The following TRPM1 variants were observed in gnomAD, a reference collection of about 807,000 sequenced individuals.
TRPM1 encodes the protein transient receptor potential cation channel subfamily M member 1.
A neutral mutation model predicts 149.4 loss-of-function variants in TRPM1; 113 were observed. The ratio of observed to expected loss-of-function variants is 0.76; its 90% CI spans 0.65 to 0.88. TRPM1 has a LOEUF of 0.88. Among genes scored for constraint, TRPM1 ranks in the 40% least tolerant of loss-of-function variants. The pLI is 0.00. For synonymous variants in TRPM1, 741 were observed against 759.5 expected, an observed-to-expected ratio of 0.98 and a Z score of 0.40; for missense variants, 1,976 against 2,038.7, an observed-to-expected ratio of 0.97 and a Z score of 0.59.
At chr15:31,036,455 C>T (rs1300103288) in intron 20 of TRPM1, among the ~76,000 whole-genome samples, 4 of 151,080 alleles carry the variant, frequency 2.6e-5, no homozygotes, top group African/African-American at 9.7e-5. Flanking sequence ...TTTTCAAGAT[C>T]CTGCCTCCCA....
At chr15:31,113,006 C>A (rs75062601) in intron 1 of TRPM1, among the ~76,000 whole-genome samples, 2,606 of 152,258 alleles carry the variant, frequency 0.017, 83 homozygotes, top group African/African-American at 0.06. Context: ...TCTGAGGTGC[C>A]GGTAAGTGTT....
rs776077094 is a variant in TRPM1, at chr15:31,066,257, T to C, written c.619-10A>G. 1.9e-6 allele frequency: 3 copies of C among 1,614,010 alleles called. No homozygotes were observed. In the East Asian group the frequency reaches 6.7e-5, roughly 36 times the overall value. On this transcript the variant is annotated splice_polypyrimidine_tract_variant and intron_variant, in intron 6 of 27. Coordinates refer to ENST00000256552, the MANE Select transcript of TRPM1 (RefSeq NM_001252024.2). ...GGTACACTCTTGTTACCTGACAAAG[T>C]GCACAGCGCAAATCAGACCTGCAGG...
intron 1 of TRPM1, among the ~76,000 whole-genome samples, chr15:31,112,850 C>T (rs2035710745): frequency 6.6e-6 from 1 of 152,186 alleles, no homozygotes; most frequent in South Asian, 2.1e-4. Context: ...CACAAAGAAC[C>T]CCCTTTTCTT....
chr15:31,032,813 T>G lies in TRPM1; in HGVS notation c.2828A>C (p.Gln943Pro), dbSNP rs749721389. The G allele has an allele frequency of 3.1e-6, 5 of 1,614,092 alleles. No homozygotes were observed. Among genetic ancestry groups the G allele is most frequent in the Admixed American group, 1.7e-5 (1 of 59,998 alleles). The change falls in exon 22 of 28, where the codon CAG (glutamine) becomes CCG (proline). Residue 943 changes from glutamine (Q) to proline (P), a missense_variant. Transcript: ENST00000256552. Reference protein sequence around the residue: ...MIGAILRLQNQPYMGYGRVIY... With the variant: ...MIGAILRLQNPPYMGYGRVIY... ...CACCCGGCCATAGCCCATGTAGGGC[T>G]GGTTCTGTAGGCGAAGAATTGCTCC... is the stretch of plus-strand genomic sequence containing the variant.
intron 1 of TRPM1, among the ~76,000 whole-genome samples, chr15:31,088,201 C>G (rs1278031225): frequency 2.0e-5 from 3 of 152,120 alleles, no homozygotes. Flanking sequence ...TAAAAACGGA[C>G]CAATCAGCAC....
At chr15:31,143,029 T>G (rs2141053827) in intron 1 of TRPM1, among the ~76,000 whole-genome samples, 1 of 152,352 alleles carries the variant, frequency 6.6e-6, no homozygotes, top group East Asian at 1.9e-4. Flanking sequence ...CTCAAAGGCT[T>G]TTAACCATTG....
chr15:31,015,069 G>A (rs981046784), intron 27 of TRPM1, among the ~76,000 whole-genome samples: 4 of 152,114 alleles, frequency 2.6e-5, no homozygotes, highest in African/African-American at 9.7e-5. Context: ...GAGATTATAA[G>A]CAGATGAGAT....
At chr15:31,066,028 T>G (rs1038145193) in intron 7 of TRPM1, 48 bp downstream of exon 7, 1 of 1,595,088 alleles carries the variant, frequency 6.3e-7, no homozygotes, top group Admixed American at 1.7e-5. Context: ...TTGTTTCCAC[T>G]GTGATGGCAT....
chr15:31,138,822 T>G (rs564922510), intron 1 of TRPM1, among the ~76,000 whole-genome samples: 27 of 152,318 alleles, frequency 1.8e-4, no homozygotes, highest in Admixed American at 6.5e-4. Flanking sequence ...TAAAAGAAAT[T>G]TATATCTATG....
chr15:31,032,593 C>A (rs2033140312), intron 22 of TRPM1, 96 bp downstream of exon 22: 5 of 1,487,318 alleles, frequency 3.4e-6, no homozygotes, highest in Non-Finnish European at 4.7e-6. Context: ...AAAAGAAAAA[C>A]CAAATGAAAT....
chr15:31,003,464 GT>G (rs2031869922), intron 27 of TRPM1, among the ~76,000 whole-genome samples: 1 of 152,124 alleles, frequency 6.6e-6, no homozygotes. Flanking sequence ...TTCCCCAAAG[GT>G]AGGAAGCAGT....
chr15:31,119,272 A>AAAT (rs2035844576), intron 1 of TRPM1, among the ~76,000 whole-genome samples: 1 of 148,282 alleles, frequency 6.7e-6, no homozygotes, highest in Admixed American at 6.7e-5. Context: ...ATAAATAAAT[A>AAAT]AACTTATCTA....
chr15:31,017,047 G>C (rs1442886073), intron 27 of TRPM1, among the ~76,000 whole-genome samples: 1 of 152,028 alleles, frequency 6.6e-6, no homozygotes. Flanking sequence ...GTTCACGCCT[G>C]TAATCCTAGC....
intron 1 of TRPM1, among the ~76,000 whole-genome samples, chr15:31,108,480 A>G (rs2035639070): frequency 6.6e-6 from 1 of 152,002 alleles, no homozygotes; most frequent in Admixed American, 6.6e-5. Flanking sequence ...TCATTTTTCT[A>G]GAGACTCTTT....
chr15:31,124,473 G>A lies in TRPM1; in HGVS notation c.54+36433C>T, dbSNP rs868446946. Among the ~76,000 whole-genome samples, 25 of 150,470 alleles carry A rather than the reference G, an allele frequency of 1.7e-4. No homozygotes were observed. In the South Asian group the frequency reaches 5.3e-3, roughly 32 times the overall value. On this transcript the variant is annotated intron_variant, in intron 1 of 26. Transcript: ENST00000542188. ...GTTCAAGACCAGATTGGCTGACATG[G>A]TGAAATCTTCTCTCTACTAAAAATT...
intron 16 of TRPM1, among the ~76,000 whole-genome samples, chr15:31,045,631 G>A (rs2033741148): frequency 6.6e-6 from 1 of 152,188 alleles, no homozygotes; most frequent in South Asian, 2.1e-4. Context: ...CTTCAGGGAT[G>A]CACTGCTCAT....
In TRPM1 at chr15:31,038,147, A is replaced by G. The variant is rs1213003639; in HGVS notation, c.2336T>C (p.Leu779Pro). 5.6e-6 allele frequency: 9 copies of G among 1,613,988 alleles called. No homozygotes were observed. Among genetic ancestry groups the G allele is most frequent in the African/African-American group, 1.3e-5 (1 of 74,928 alleles). The change falls in exon 19 of 28, where the codon CTA (leucine) becomes CCA (proline). Residue 779 changes from leucine to proline, a missense_variant. By Grantham distance (98) the Leu-to-Pro change is moderately conservative. Coordinates refer to ENST00000256552, the MANE Select transcript of TRPM1 (RefSeq NM_001252024.2). ...PGLKVIMGIL[L>P]PPTILFLEFR... The stretch of plus-strand genomic sequence containing the variant: ...TTCCAAAAACAAGATGGTGGGGGGT[A>G]GAAGAATCCCCATGATAACCTACGG...
chr15:31,005,853 A>G (rs1010619286), intron 27 of TRPM1, among the ~76,000 whole-genome samples: 1 of 152,238 alleles, frequency 6.6e-6, no homozygotes, highest in East Asian at 1.9e-4. Flanking sequence ...AAACCTTGAC[A>G]CCCACACAAA....
chr15:31,038,965 G>GCT (rs1243374511), intron 18 of TRPM1, among the ~76,000 whole-genome samples: 27 of 150,810 alleles, frequency 1.8e-4, no homozygotes, highest in Non-Finnish European at 1.5e-5. Context: ...GGATGCCCAG[G>GCT]CTCATAGATA....
Sources: gnomAD v4.1 joint callset for allele counts (sites outside exome capture counted in the v4.1 genomes callset) on GRCh38, gnomAD v4.1.1 for gene constraint, MANE v1.5 for transcripts, NCBI Gene and HGNC (gene_info 2026-07-23, HGNC 2026-07-21) for gene names.